TRPS1: variants seen among roughly 807,000 people sequenced by gnomAD.
TRPS1 encodes transcriptional repressor GATA binding 1, also known as zinc finger transcription factor Trps1.
In TRPS1, 6 loss-of-function variants were observed where a neutral mutation model predicts 101.2. The observed-to-expected ratio is 0.06, with a 90% CI of 0.03 to 0.12. The LOEUF is 0.12. TRPS1 is among the 10% of genes least tolerant of loss of function. The pLI is 1.00. For synonymous variants in TRPS1, 578 were observed against 589.8 expected, an observed-to-expected ratio of 0.98 and a Z score of 0.29; for missense variants, 1,363 against 1,567.0, an observed-to-expected ratio of 0.87 and a Z score of 2.20.
chr8:115,565,345 T>C (rs1251457203), intron 5 of TRPS1, among the ~76,000 whole-genome samples: 1 of 152,074 alleles, frequency 6.6e-6, no homozygotes. Flanking sequence ...GTGTATCCCA[T>C]TGGTAAAGTC....
At chr8:115,651,080 C>A (rs1416041651) in intron 1 of TRPS1, among the ~76,000 whole-genome samples, 2 of 152,170 alleles carry the variant, frequency 1.3e-5, no homozygotes, top group African/African-American at 2.4e-5. Flanking sequence ...GACTCATGAC[C>A]TTAGAGCCTA....
Position 115,411,371 on chromosome 8 carries a change from A to T in TRPS1, c.*2652T>A, listed in dbSNP as rs1240903353. ...TCCGACACACTAGAGAAATTGCTTA[A>T]TGAGTAGTTTTGCCCAAAAAGTAAT... On this transcript the variant is annotated 3_prime_UTR_variant, in exon 7 of 7. Transcript: ENST00000395715. The T allele has an allele frequency of 2.0e-5, 3 of 152,428 alleles. No individual in the cohort carries two copies. The highest frequency in any genetic ancestry group is 4.4e-5 in the Non-Finnish European group (3 of 67,994). The allele number at this position is 152,428 out of a possible 1,614,324, so 9.4% of individuals were successfully genotyped here.
chr8:115,551,739 A>C (rs1255403990), intron 5 of TRPS1, among the ~76,000 whole-genome samples: 2 of 152,234 alleles, frequency 1.3e-5, no homozygotes, highest in East Asian at 1.9e-4. Context: ...ATAATTGAGC[A>C]AAATATGATT....
chr8:115,482,313 C>T (rs1215080889), intron 5 of TRPS1, among the ~76,000 whole-genome samples: 3 of 152,130 alleles, frequency 2.0e-5, no homozygotes, highest in Non-Finnish European at 4.4e-5. Flanking sequence ...GAAATTTAAC[C>T]TACATATGCA....
At chr8:115,582,311 C>T (rs17659542) in intron 5 of TRPS1, among the ~76,000 whole-genome samples, 17,767 of 152,132 alleles carry the variant, frequency 0.12, 1,420 homozygotes, top group Admixed American at 0.19. Flanking sequence ...TAAAGGCATT[C>T]AACATTGTCA....
intron 5 of TRPS1, among the ~76,000 whole-genome samples, chr8:115,482,137 T>C (rs2130067663): frequency 6.6e-6 from 1 of 152,322 alleles, no homozygotes; most frequent in East Asian, 1.9e-4. Context: ...TGGTGAACCA[T>C]TCTTTAAAAT....
intron 5 of TRPS1, among the ~76,000 whole-genome samples, chr8:115,556,217 T>G (rs1279725769): frequency 6.6e-6 from 1 of 152,120 alleles, no homozygotes; most frequent in Non-Finnish European, 1.5e-5. Context: ...CCTGAAAGTT[T>G]TGAAATTGTC....
chr8:115,613,043 T>C (rs2130515432), intron 3 of TRPS1, among the ~76,000 whole-genome samples: 1 of 152,270 alleles, frequency 6.6e-6, no homozygotes, highest in East Asian at 1.9e-4. Context: ...TAGAAGAGCA[T>C]AAGACAACTT....
chr8:115,420,193 T>C (rs1403555784), intron 5 of TRPS1, among the ~76,000 whole-genome samples: 1 of 152,182 alleles, frequency 6.6e-6, no homozygotes, highest in Non-Finnish European at 1.5e-5. Context: ...TATCATGAGT[T>C]TCTAAGTCTC....
chr8:115,451,323 C>CTT (rs570280248), intron 5 of TRPS1, among the ~76,000 whole-genome samples: 2 of 149,330 alleles, frequency 1.3e-5, no homozygotes, highest in Non-Finnish European at 1.5e-5. Flanking sequence ...TTCATTCTCT[C>CTT]TTTTTTTTTT....
At chr8:115,561,055 G>A (rs1816934594) in intron 5 of TRPS1, among the ~76,000 whole-genome samples, 1 of 152,064 alleles carries the variant, frequency 6.6e-6, no homozygotes, top group African/African-American at 2.4e-5. Context: ...TCATGGACTG[G>A]TGCAACGATT....
At chr8:115,603,807 C>T (rs546152329) in intron 4 of TRPS1, 66 bp downstream of exon 4, 1 of 1,581,200 alleles carries the variant, frequency 6.3e-7, no homozygotes, top group Admixed American at 1.7e-5. Context: ...GTTCAGCCCT[C>T]TTTCTATGGA....
chr8:115,623,733 G>C lies in TRPS1; in HGVS notation c.-96C>G. 2.6e-6 allele frequency: 4 copies of C among 1,550,270 alleles called. No homozygotes were observed. The highest frequency in any genetic ancestry group is 3.5e-6 in the Non-Finnish European group (4 of 1,147,856). On this transcript the variant is annotated 5_prime_UTR_variant, in exon 2 of 7. Transcript: ENST00000395715. ...TAGAAGACGCTCAGAAGACACAGAA[G>C]ACATTTTGAGAGCTGATCTGTACAT...
In TRPS1 at chr8:115,414,365, G is replaced by T. The variant is rs1367896138; in HGVS notation, c.3543C>A (p.Ile1181=). 1.9e-6 allele frequency: 3 copies of T among 1,613,928 alleles called. No homozygotes were observed. The highest frequency in any genetic ancestry group is 2.2e-5 in the East Asian group (1 of 44,868). ...CAGTTGGCCCAGGTCTGGAATGCTT[G>T]ATCGCCAAATCTAGAGGAATGTCAT... ...SDNDIPLDLA[I]KHSRPGPTAN... Residue 1181 remains isoleucine, a synonymous_variant, in exon 7 of 7, where the codon ATC becomes ATA. Transcript: ENST00000395715. This position sits in a 1 kb window ranked among gnomAD's most constrained non-coding sequence, Gnocchi z 4.8.
At chr8:115,557,981 A>G (rs1475937729) in intron 5 of TRPS1, among the ~76,000 whole-genome samples, 1 of 152,088 alleles carries the variant, frequency 6.6e-6, no homozygotes, top group Non-Finnish European at 1.5e-5. Flanking sequence ...ATTATGGTAC[A>G]ATTATGAGGT....
intron 5 of TRPS1, among the ~76,000 whole-genome samples, chr8:115,431,744 G>A (rs1259195317): frequency 2.6e-5 from 4 of 151,662 alleles, no homozygotes; most frequent in African/African-American, 4.8e-5. Flanking sequence ...TAGATTACAC[G>A]CACAAAATAT....
intron 1 of TRPS1, among the ~76,000 whole-genome samples, chr8:115,634,900 G>T (rs1818731688): frequency 1.3e-5 from 2 of 151,164 alleles, no homozygotes; most frequent in South Asian, 2.1e-4. Context: ...AGAAAGAAAA[G>T]ACAGGTTGTT....
At chr8:115,574,444 T>C (rs1231015973) in intron 5 of TRPS1, among the ~76,000 whole-genome samples, 2 of 152,138 alleles carry the variant, frequency 1.3e-5, no homozygotes, top group Non-Finnish European at 2.9e-5. Flanking sequence ...ATATAATGAA[T>C]CTCTAGTGTT....
chr8:115,637,178 A>G (rs1018016728), intron 1 of TRPS1: 1 of 883,866 alleles, frequency 1.1e-6, no homozygotes, highest in Non-Finnish European at 1.4e-6. Context: ...GTTGCTAACA[A>G]TATTAACATA....
Sources: allele counts gnomAD v4.1 joint callset (sites outside exome capture counted in the v4.1 genomes callset), GRCh38; gene constraint gnomAD v4.1.1; non-coding constraint Gnocchi (gnomAD v3.1); transcripts MANE v1.5; gene names NCBI Gene and HGNC (gene_info 2026-07-23, HGNC 2026-07-21).